Variants in SFMBT2 observed in about 807,000 individuals in gnomAD.
SFMBT2 encodes the protein Scm like with four mbt domains 2.
Under a neutral mutation model 110.1 loss-of-function variants are expected in SFMBT2, and 38 were observed. That is an observed-to-expected ratio of 0.35 (90% CI 0.27 to 0.45). The LOEUF (loss-of-function observed/expected upper bound fraction) is 0.45, where lower values mean the gene tolerates loss of function less well. Ranked by LOEUF, SFMBT2 falls within the 20% of genes least tolerant of loss-of-function variation. The probability of loss-of-function intolerance (pLI) is 1.00; values close to 1 mark genes in which losing one functional copy is unlikely to be tolerated. For synonymous variants in SFMBT2, 425 were observed against 425.4 expected (o/e 1.00, Z 0.01); for missense variants, 1,011 against 1,094.9 (o/e 0.92, Z 1.08).
At chr10:7,391,518 G>A (rs530715957) in intron 1 of SFMBT2, among the ~76,000 whole-genome samples, 2 of 151,970 alleles carry the variant, frequency 1.3e-5, no homozygotes, top group South Asian at 4.1e-4. Flanking sequence ...ACTCTGGAGG[G>A]CAATGGCCGT....
chr10:7,314,953 G>T (rs1842945209), intron 4 of SFMBT2, among the ~76,000 whole-genome samples: 2 of 145,892 alleles, frequency 1.4e-5, no homozygotes, highest in African/African-American at 5.1e-5. Flanking sequence ...GAGAAAGAGA[G>T]AAAGAAAAGA....
Position 7,160,891 on chromosome 10 carries a change from A to C in SFMBT2, c.*2879T>G, listed in dbSNP as rs1031607050. 1 of 152,276 alleles carries C rather than the reference A, an allele frequency of 6.6e-6. No homozygotes were observed. Among genetic ancestry groups the C allele is most frequent in the Admixed American group, 6.5e-5 (1 of 15,284 alleles). The allele number at this position is 152,276 out of a possible 1,614,324, so 9.4% of individuals were successfully genotyped here. On this transcript the variant is annotated 3_prime_UTR_variant, in exon 21 of 21. Transcript: ENST00000397167. ...AAGGACACTGGCAACAGCTGGAGGA[A>C]AAGCACCTCCTGGGTCCTAAAATCT...
chr10:7,282,603 A>G (rs1841977595), intron 6 of SFMBT2, among the ~76,000 whole-genome samples: 3 of 152,226 alleles, frequency 2.0e-5, no homozygotes, highest in Admixed American at 6.5e-5. Flanking sequence ...CTGCTTCTCA[A>G]CATTTTGACA....
At chr10:7,242,727 G>T (rs1203858457) in intron 9 of SFMBT2, among the ~76,000 whole-genome samples, 1 of 152,204 alleles carries the variant, frequency 6.6e-6, no homozygotes, top group African/African-American at 2.4e-5. Context: ...AGACTGGCGA[G>T]GCCACCAGGC....
chr10:7,347,241 C>G (rs1239388333), intron 4 of SFMBT2, among the ~76,000 whole-genome samples: 1 of 152,212 alleles, frequency 6.6e-6, no homozygotes, highest in Admixed American at 6.5e-5. Context: ...AGGTGAGCTG[C>G]TGTCCCCAGC....
intron 6 of SFMBT2, 21 bp downstream of exon 6, chr10:7,283,883 A>G: frequency 6.7e-7 from 1 of 1,494,984 alleles, no homozygotes; most frequent in Non-Finnish European, 9.3e-7. Flanking sequence ...ACTTTACAGC[A>G]GCAAAAGCTT....
chr10:7,406,596 T>A (rs968767620), intron 1 of SFMBT2, among the ~76,000 whole-genome samples: 2 of 152,186 alleles, frequency 1.3e-5, no homozygotes, highest in African/African-American at 4.8e-5. Flanking sequence ...TCTGGCTTTT[T>A]AAAAGTCTTG....
At chr10:7,323,676 T>C (rs748492087) in intron 4 of SFMBT2, among the ~76,000 whole-genome samples, 1 of 152,142 alleles carries the variant, frequency 6.6e-6, no homozygotes, top group Non-Finnish European at 1.5e-5. Context: ...CTGTACTTTT[T>C]CTTTAGGTTT....
At chr10:7,357,044 A>C (rs1288825415) in intron 4 of SFMBT2, among the ~76,000 whole-genome samples, 1 of 152,240 alleles carries the variant, frequency 6.6e-6, no homozygotes, top group Non-Finnish European at 1.5e-5. Flanking sequence ...AATTCCTACC[A>C]GAGCTTTCTG....
intron 4 of SFMBT2, among the ~76,000 whole-genome samples, chr10:7,365,825 G>C (rs1187111176): frequency 6.6e-6 from 1 of 152,202 alleles, no homozygotes; most frequent in Non-Finnish European, 1.5e-5. Flanking sequence ...GGGTTTTCCG[G>C]GGAGGGGGAG....
intron 7 of SFMBT2, among the ~76,000 whole-genome samples, chr10:7,250,886 C>G (rs778507472): frequency 6.6e-6 from 1 of 152,136 alleles, no homozygotes; most frequent in Non-Finnish European, 1.5e-5. Flanking sequence ...GGCTACTGTA[C>G]AGAGAGCGAA....
chr10:7,398,676 G>C (rs1481362522), intron 1 of SFMBT2, among the ~76,000 whole-genome samples: 3 of 152,056 alleles, frequency 2.0e-5, no homozygotes, highest in African/African-American at 7.2e-5. Flanking sequence ...TAGTCACACT[G>C]GGTTCAAACC....
intron 4 of SFMBT2, among the ~76,000 whole-genome samples, chr10:7,335,964 A>G (rs575390565): frequency 3.2e-4 from 49 of 152,246 alleles, no homozygotes; most frequent in Non-Finnish European, 5.9e-4. Context: ...AAAGAAAAAA[A>G]AAGAAAATAC....
rs1837959332 is a variant in SFMBT2 at position 7,173,659 on chromosome 10, AACC to A, written c.1985-1001_1985-999del. 2.0e-5 allele frequency among the ~76,000 whole-genome samples: 3 copies of A among 152,326 alleles called. No individual in the cohort carries two copies. The South Asian group carries it at 6.2e-4, about 32-fold the overall frequency. On this transcript the variant is annotated intron_variant, in intron 17 of 20. Coordinates refer to ENST00000397167, the MANE Select transcript of SFMBT2 (RefSeq NM_001387889.1). ...ACAAAATGTATCATCAGCTAATGAA[AACC>A]ACCACTAAGGATCCAGCATTCAATT... is the stretch of plus-strand genomic sequence containing the variant.
intron 12 of SFMBT2, chr10:7,205,346 C>G (rs1839094140): frequency 2.1e-5 from 20 of 953,348 alleles, no homozygotes; most frequent in Non-Finnish European, 2.5e-5. Flanking sequence ...CTGCCTTGGC[C>G]TCCCAAAGTA....
intron 10 of SFMBT2, among the ~76,000 whole-genome samples, chr10:7,225,349 T>C (rs1359855965): frequency 3.3e-5 from 5 of 152,240 alleles, no homozygotes; most frequent in Non-Finnish European, 7.3e-5. Context: ...ATGTCTTCCA[T>C]GCATCCAATT....
At chr10:7,196,406 C>G (rs760434732) in intron 15 of SFMBT2, among the ~76,000 whole-genome samples, 2 of 152,204 alleles carry the variant, frequency 1.3e-5, no homozygotes, top group African/African-American at 4.8e-5. Flanking sequence ...GCCATGCCCA[C>G]GCTGTGCAAT....
intron 20 of SFMBT2, among the ~76,000 whole-genome samples, chr10:7,166,364 T>A (rs1213311462): frequency 7.2e-5 from 11 of 152,252 alleles, no homozygotes; most frequent in African/African-American, 2.7e-4. Context: ...GGCATGATGG[T>A]GATTCAATCA....
At chr10:7,363,352 C>T (rs1014798292) in intron 4 of SFMBT2, among the ~76,000 whole-genome samples, 15 of 152,094 alleles carry the variant, frequency 9.9e-5, no homozygotes, top group Middle Eastern at 3.4e-3. Context: ...ATTAAACCTC[C>T]TCTTTTTTTT....
Sources: allele counts gnomAD v4.1 joint callset (sites outside exome capture counted in the v4.1 genomes callset), GRCh38; gene constraint gnomAD v4.1.1; transcripts MANE v1.5; gene names NCBI Gene and HGNC (gene_info 2026-07-23, HGNC 2026-07-21).